Variants in CBL observed in about 807,000 individuals in gnomAD.
The protein encoded by CBL is E3 ubiquitin-protein ligase CBL.
A neutral mutation model predicts 96.9 loss-of-function variants in CBL; 45 were observed. That is an observed-to-expected ratio of 0.46 (90% CI 0.37 to 0.60). CBL has a LOEUF of 0.60. Among genes scored for constraint, CBL ranks in the 20% least tolerant of loss-of-function variants. The probability of loss-of-function intolerance (pLI) is 0.00; values close to 1 mark genes in which losing one functional copy is unlikely to be tolerated. For synonymous variants in CBL, 420 were observed against 426.8 expected, an observed-to-expected ratio of 0.98 and a Z score of 0.20; for missense variants, 1,024 against 1,143.5, an observed-to-expected ratio of 0.90 and a Z score of 1.51.
rs552618000 is a variant in CBL at position 119,235,648 on chromosome 11, A to G, written c.443+2953A>G. On this transcript the variant is annotated intron_variant, in intron 2 of 15. Coordinates refer to ENST00000264033, the MANE Select transcript of CBL (RefSeq NM_005188.4). ...AAGGGGAGGCAGGAGAGGCAGGCAC[A>G]CTTGGTGTGACTTATAATGAAAAAA... Among the ~76,000 whole-genome samples the G allele has an allele frequency of 2.6e-3, 399 of 152,210 alleles. 7 individuals are homozygous for G. Among genetic ancestry groups the G allele is most frequent in the Non-Finnish European group, 3.5e-4 (24 of 68,012 alleles).
intron 2 of CBL, among the ~76,000 whole-genome samples, chr11:119,239,761 T>C (rs957582103): frequency 2.0e-5 from 3 of 152,080 alleles, no homozygotes; most frequent in Non-Finnish European, 4.4e-5. Context: ...TTACATGTCT[T>C]GTTTTTCAGT....
rs1026084631 is a variant in CBL, at chr11:119,218,783, G to T, written c.195+12171G>T. 2.0e-5 allele frequency among the ~76,000 whole-genome samples: 3 copies of T among 152,180 alleles called. No homozygotes were observed. In the South Asian group the frequency reaches 6.2e-4, roughly 32 times the overall value. On this transcript the variant is annotated intron_variant, in intron 1 of 15. Transcript: ENST00000264033. ...ATGACCCTCAAAGCATAAGAGTAAT[G>T]ATGTCGGCATTTTAAATATCCAAAG...
intron 11 of CBL, 131 bp from the exon 12 acceptor site, chr11:119,287,721 G>A (rs985467446): frequency 2.8e-6 from 2 of 719,438 alleles, no homozygotes; most frequent in African/African-American, 1.7e-5. Flanking sequence ...TTGGTCAGAT[G>A]TGATAACCCC....
Position 119,300,818 on chromosome 11 carries a change from AT to A in CBL, c.*1038del, listed in dbSNP as rs555529036. On this transcript the variant is annotated 3_prime_UTR_variant, in exon 16 of 16. Transcript: ENST00000264033. ...GAAGGGAAGAACATTTGTTTCCAGG[AT>A]GACTTTCTGGCCAGAATACCGGAAA... 3.3e-3 allele frequency: 1,194 copies of A among 363,552 alleles called. 12 individuals carry two copies. The highest frequency in any genetic ancestry group is 0.017 in the South Asian group (114 of 6,700). The allele number at this position is 363,552 out of a possible 1,614,324, so 22.5% of individuals were successfully genotyped here.
intron 2 of CBL, among the ~76,000 whole-genome samples, chr11:119,236,731 T>C (rs1949549951): frequency 6.6e-6 from 1 of 151,774 alleles, no homozygotes; most frequent in African/African-American, 2.4e-5. Context: ...CCCCTAGCAA[T>C]GTATGTGGGT....
intron 2 of CBL, among the ~76,000 whole-genome samples, chr11:119,271,362 C>G (rs1222304965): frequency 1.3e-5 from 2 of 152,182 alleles, no homozygotes; most frequent in Admixed American, 6.5e-5. Flanking sequence ...AGATATATGA[C>G]TAAATTTTTT....
intron 2 of CBL, among the ~76,000 whole-genome samples, chr11:119,245,219 CT>C (rs1042521999): frequency 5.4e-5 from 8 of 147,942 alleles, no homozygotes; most frequent in Admixed American, 5.4e-4. Flanking sequence ...TTGTCTAGAG[CT>C]TTTTTTTATT....
At chr11:119,264,578 C>T (rs1949786388) in intron 2 of CBL, among the ~76,000 whole-genome samples, 2 of 151,876 alleles carry the variant, frequency 1.3e-5, no homozygotes, top group African/African-American at 4.8e-5. Flanking sequence ...ACCTCCAGGG[C>T]TCAAGCCATC....
Position 119,276,064 on chromosome 11 carries a change from A to G in CBL, c.937A>G (p.Asn313Asp). ...TATTGGGTATGTTACTGCTGATGGG[A>G]ACATTCTCCAGACAATCCCTCACAA... ...WAIGYVTADG[N>D]ILQTIPHNKP... is the part of the protein sequence containing the mutation. Residue 313 changes from asparagine to aspartate, a missense_variant, in exon 6 of 16, where the codon AAC becomes GAC. Physicochemically the swap from Asn to Asp is conservative, Grantham distance 23 (BLOSUM62 1). Coordinates refer to ENST00000264033, the MANE Select transcript of CBL (RefSeq NM_005188.4). 1 of 1,614,014 alleles carries G rather than the reference A, an allele frequency of 6.2e-7. No homozygotes were observed. Among genetic ancestry groups the G allele is most frequent in the African/African-American group, 1.3e-5 (1 of 74,994 alleles).
chr11:119,211,129 T>A (rs1949314817), intron 1 of CBL, among the ~76,000 whole-genome samples: 1 of 152,140 alleles, frequency 6.6e-6, no homozygotes, highest in Non-Finnish European at 1.5e-5. Context: ...CCCAGCACTT[T>A]GGGAGGCCGA....
At position 119,300,754 on chromosome 11, in the gene CBL, T is replaced by C. The variant is rs1369333357; in HGVS notation, c.*973T>C. The C allele has an allele frequency of 1.5e-5, 6 of 393,958 alleles. No individual in the cohort carries two copies. The highest frequency in any genetic ancestry group is 6.4e-4 in the Middle Eastern group (1 of 1,562). The allele number at this position is 393,958 out of a possible 1,614,324, so 24.4% of individuals were successfully genotyped here. A position where few individuals can be genotyped will look rare whatever the true frequency, so the allele number is the denominator to read the frequency against. ...GAGTCAGTTGCCTTGGTGCCAGGTA[T>C]GTGTTCTGATGTAGGTCATGAGTCT... On this transcript the variant is annotated 3_prime_UTR_variant, in exon 16 of 16. Coordinates refer to ENST00000264033, the MANE Select transcript of CBL (RefSeq NM_005188.4).
chr11:119,228,445 A>C (rs11217197), intron 1 of CBL, among the ~76,000 whole-genome samples: 36,257 of 151,928 alleles, frequency 0.24, 4,558 homozygotes, highest in East Asian at 0.38. Flanking sequence ...GTCTCTACTA[A>C]AAATACAAAA....
chr11:119,298,399 G>A lies in CBL; in HGVS notation c.2293G>A (p.Glu765Lys), dbSNP rs373587039. ...LAAAHANTGP[E>K]ESENEDDGYD... Reference sequence around the variant, plus strand: ...CGCAGCCCATGCCAACACTGGTCCCGAGGAGTCAGAAAATGAGGATGATGG... The same window carrying A: ...CGCAGCCCATGCCAACACTGGTCCCAAGGAGTCAGAAAATGAGGATGATGG... Residue 765 changes from glutamate (E) to lysine (K), a missense_variant, in exon 15 of 16, where the codon GAG (glutamate) becomes AAG (lysine). Physicochemically the swap from Glu to Lys is moderately conservative, Grantham distance 56. This residue lies in a region of CBL where 695 missense variants were observed against 661.6 expected (regional missense o/e 1.05). Transcript: ENST00000264033. 7.4e-6 allele frequency: 12 copies of A among 1,614,072 alleles called. No individual in the cohort carries two copies. Among genetic ancestry groups the A allele is most frequent in the Middle Eastern group, 1.6e-4 (1 of 6,084 alleles).
At chr11:119,278,985 A>C (rs1482748696) in intron 9 of CBL, among the ~76,000 whole-genome samples, 1 of 152,180 alleles carries the variant, frequency 6.6e-6, no homozygotes, top group African/African-American at 2.4e-5. Context: ...CGAAGACCAC[A>C]CAGCTAGTAG....
rs1950136088 is a variant in CBL at position 119,305,893 on chromosome 11, G to C, written c.*6112G>C. On this transcript the variant is annotated 3_prime_UTR_variant, in exon 16 of 16. Coordinates refer to ENST00000264033, the MANE Select transcript of CBL (RefSeq NM_005188.4). ...GTTTTTTAAACTACTAGAGTCATTT[G>C]ATACACACAGAAGTTACCTAATAAT... The C allele has an allele frequency of 4.1e-6, 1 of 246,832 alleles. No individual in the cohort carries two copies. Among genetic ancestry groups the C allele is most frequent in the Non-Finnish European group, 7.8e-6 (1 of 127,728 alleles). 15.3% of individuals were successfully genotyped at this position (246,832 alleles called of 1,614,324 possible).
At chr11:119,274,255 C>T (rs1456604755) in intron 4 of CBL, among the ~76,000 whole-genome samples, 3 of 152,054 alleles carry the variant, frequency 2.0e-5, no homozygotes, top group Non-Finnish European at 2.9e-5. Flanking sequence ...GCTTTCTTCT[C>T]CTCACATCTT....
chr11:119,282,414 C>T lies in CBL; in HGVS notation c.1432-2555C>T, dbSNP rs533030041. ...GAATGTAAAAATATGATTAGTTCAA[C>T]CCTCTGTGCCTAAGGAATGAGAGAA... On this transcript the variant is annotated intron_variant, in intron 9 of 15. Coordinates refer to ENST00000264033, the MANE Select transcript of CBL (RefSeq NM_005188.4). Among the ~76,000 whole-genome samples, 160 of 151,834 alleles carry T rather than the reference C, an allele frequency of 1.1e-3. 1 individual carries two copies. In the South Asian group the frequency reaches 0.016, roughly 16 times the overall value.
intron 2 of CBL, among the ~76,000 whole-genome samples, 174 bp from the exon 3 acceptor site, chr11:119,271,556 TTTCTC>T (rs542091935): frequency 2.4e-4 from 36 of 152,336 alleles, no homozygotes; most frequent in East Asian, 1.7e-3. Flanking sequence ...GCGCATTTCT[TTTCTC>T]TTCTCTACTT....
At chr11:119,218,448 A>G (rs753950264) in intron 1 of CBL, among the ~76,000 whole-genome samples, 7 of 152,218 alleles carry the variant, frequency 4.6e-5, no homozygotes, top group Non-Finnish European at 1.0e-4. Flanking sequence ...CTTCATATCC[A>G]TAGTTTCGCT....
Sources: gnomAD v4.1 joint callset for allele counts (sites outside exome capture counted in the v4.1 genomes callset) on GRCh38, gnomAD v4.1.1 for gene constraint, gnomAD v4.1.1 regional missense constraint, MANE v1.5 for transcripts, NCBI Gene and HGNC (gene_info 2026-07-23, HGNC 2026-07-21) for gene names.